CSPG5: variants seen among roughly 807,000 people sequenced by gnomAD.
The protein encoded by CSPG5 is chondroitin sulfate proteoglycan 5.
Under a neutral mutation model 39.8 loss-of-function variants are expected in CSPG5, and 25 were observed. That is an observed-to-expected ratio of 0.63 (90% CI 0.46 to 0.88). The LOEUF is 0.88. Among genes scored for constraint, CSPG5 ranks in the 40% least tolerant of loss-of-function variants. The probability of loss-of-function intolerance (pLI) is 0.00; values close to 1 mark genes in which losing one functional copy is unlikely to be tolerated. For missense variants in CSPG5, 627 were observed against 702.2 expected (o/e 0.89, Z 1.21); for synonymous variants, 295 against 303.9 (o/e 0.97, Z 0.31).
rs1331811892 is a variant in CSPG5, at chr3:47,577,425, G to A, written c.601C>T (p.Pro201Ser). 3.1e-6 allele frequency: 5 copies of A among 1,614,038 alleles called. No homozygotes were observed. Among genetic ancestry groups the A allele is most frequent in the Admixed American group, 1.7e-5 (1 of 60,014 alleles). The stretch of plus-strand genomic sequence containing the variant: ...TCAATGATATCTGATGCCGGTTGGG[G>A]CTCCAGGGTGCCCTGAAATGGGTAA... ...LTYPFQGTLE[P>S]QPASDIIDID... Residue 201 changes from proline (P) to serine (S), a missense_variant, in exon 2 of 5, where the codon CCC becomes TCC. Coordinates refer to ENST00000264723, the MANE Select transcript of CSPG5 (RefSeq NM_006574.4). This position sits in a 1 kb window ranked among gnomAD's most constrained non-coding sequence, Gnocchi z 4.7.
At chr3:47,569,430 C>A (rs1025450298) in intron 3 of CSPG5, among the ~76,000 whole-genome samples, 4 of 151,892 alleles carry the variant, frequency 2.6e-5, no homozygotes. Flanking sequence ...ATGGTGAAAC[C>A]CCGTCTCTAC....
chr3:47,577,014 C>T lies in CSPG5; in HGVS notation c.1012G>A (p.Ala338Thr), dbSNP rs751089835. 17 of 1,612,712 alleles carry T rather than the reference C, an allele frequency of 1.1e-5. No homozygotes were observed. In the Admixed American group the frequency reaches 1.2e-4, roughly 11 times the overall value. ...GGCTCTCCTGGGCGGGGCCTGAGGG[C>T]GATGCTGCTGCCGGGGACCGACCCC... is the stretch of plus-strand genomic sequence containing the variant. ...TLGSVPGSSI[A>T]LRPRPGEPGR... Residue 338 changes from alanine (A) to threonine (T), a missense_variant, in exon 2 of 5, where the codon GCC becomes ACC. Ala to Thr is a moderately conservative substitution (Grantham distance 58). Transcript: ENST00000264723. This position sits in a 1 kb window ranked among gnomAD's most constrained non-coding sequence, Gnocchi z 4.7.
In CSPG5 at chr3:47,562,551, T is replaced by TCCCCGGCCCCCC; in HGVS notation, c.*48_*49insGGGGGGCCGGGG. 1 of 1,518,952 alleles carries TCCCCGGCCCCCC rather than the reference T, an allele frequency of 6.6e-7. No individual in the cohort carries two copies. The highest frequency in any genetic ancestry group is 9.1e-7 in the Non-Finnish European group (1 of 1,103,898). 94.1% of individuals were successfully genotyped at this position (1,518,952 alleles called of 1,614,324 possible). A position where few individuals can be genotyped will look rare whatever the true frequency, so the allele number is the denominator to read the frequency against. On this transcript the variant is annotated 3_prime_UTR_variant, in exon 5 of 5. Coordinates refer to ENST00000264723, the MANE Select transcript of CSPG5 (RefSeq NM_006574.4). ...CTGTACAAGAGGAGATAATGTTTCT[T>TCCCCGGCCCCCC]CCCCTACCCCCCACCCACTACCCCC...
chr3:47,572,087 C>T lies in CSPG5; in HGVS notation c.1382+599G>A, dbSNP rs2031549058. On this transcript the variant is annotated intron_variant, in intron 3 of 4. Transcript: ENST00000264723. The surrounding 1 kb of genome is among the most constrained non-coding windows in gnomAD (Gnocchi z 4.5). Reference sequence around the variant, plus strand: ...AGGAAGTTAACCCTAGTTCTCCCCACATATTCTACTCAGGAGAGGTAAAGA... The same window carrying T: ...AGGAAGTTAACCCTAGTTCTCCCCATATATTCTACTCAGGAGAGGTAAAGA... Among the ~76,000 whole-genome samples, 1 of 152,210 alleles carries T rather than the reference C, an allele frequency of 6.6e-6. No homozygotes were observed. The highest frequency in any genetic ancestry group is 2.4e-5 in the African/African-American group (1 of 41,466).
intron 4 of CSPG5, among the ~76,000 whole-genome samples, chr3:47,567,053 G>C: frequency 6.6e-6 from 1 of 152,292 alleles, no homozygotes; most frequent in East Asian, 1.9e-4. Flanking sequence ...CCTTCGCACC[G>C]GCTGTGTAGC....
rs1366138859 is a variant in CSPG5 at position 47,569,216 on chromosome 3, G to T, written c.1394C>A (p.Thr465Asn). 1 of 1,613,740 alleles carries T rather than the reference G, an allele frequency of 6.2e-7. No individual in the cohort carries two copies. Among genetic ancestry groups the T allele is most frequent in the Non-Finnish European group, 8.5e-7 (1 of 1,179,800 alleles). ...TKLRRTNKFR[T>N]PSELHNDNFS... ...GTTATCATTGTGGAGCTCAGATGGG[G>T]TCCGGAATTTGCTGGTTAGGAGAGA... Residue 465 changes from threonine (T) to asparagine (N), a missense_variant, in exon 4 of 5, where the codon ACC (threonine) becomes AAC (asparagine). By Grantham distance (65) the Thr-to-Asn change is moderately conservative. Transcript: ENST00000264723.
chr3:47,570,151 T>C (rs778355300), intron 3 of CSPG5, among the ~76,000 whole-genome samples: 17 of 152,242 alleles, frequency 1.1e-4, no homozygotes, highest in Non-Finnish European at 2.1e-4. Context: ...TATATAGGTA[T>C]ATGTGTGTCA....
chr3:47,563,760 G>A (rs900152200), intron 4 of CSPG5, among the ~76,000 whole-genome samples: 1 of 152,084 alleles, frequency 6.6e-6, no homozygotes, highest in African/African-American at 2.4e-5. Context: ...CACCATGTTG[G>A]CCAGGCTGGT....
chr3:47,562,566 C>T lies in CSPG5; in HGVS notation c.*34G>A. The stretch of plus-strand genomic sequence containing the variant: ...TAATGTTTCTTCCCCTACCCCCCAC[C>T]CACTACCCCCGCTTCCTCTCTTCTT... On this transcript the variant is annotated 3_prime_UTR_variant, in exon 5 of 5. Coordinates refer to ENST00000264723, the MANE Select transcript of CSPG5 (RefSeq NM_006574.4). 1.3e-6 allele frequency: 2 copies of T among 1,575,698 alleles called. No individual in the cohort carries two copies. The highest frequency in any genetic ancestry group is 1.7e-6 in the Non-Finnish European group (2 of 1,149,994).
rs1219833019 is a variant in CSPG5 at position 47,577,509 on chromosome 3, A to T, written c.517T>A (p.Leu173Met). 3.5e-5 allele frequency: 57 copies of T among 1,610,840 alleles called. No homozygotes were observed. The highest frequency in any genetic ancestry group is 4.7e-5 in the Non-Finnish European group (56 of 1,179,148). ...PASELPKESP[L>M]EVWLNLGGST... ...CCCCCCAGGTTCAGCCAAACCTCCA[A>T]GGGGCTCTCCTTGGGGAGTTCAGAA... Residue 173 changes from leucine (L) to methionine (M), a missense_variant, in exon 2 of 5, where the codon TTG becomes ATG. Leu to Met is a conservative substitution (Grantham distance 15, BLOSUM62 2). Transcript: ENST00000264723. This position sits in a 1 kb window ranked among gnomAD's most constrained non-coding sequence, Gnocchi z 4.7.
chr3:47,564,139 G>C (rs1370787650), intron 4 of CSPG5, among the ~76,000 whole-genome samples: 2 of 152,194 alleles, frequency 1.3e-5, no homozygotes, highest in Non-Finnish European at 2.9e-5. Context: ...AATCTGACCA[G>C]CTAGCTAAGG....
chr3:47,573,259 G>A (rs1027296186), intron 2 of CSPG5, among the ~76,000 whole-genome samples: 2 of 152,182 alleles, frequency 1.3e-5, no homozygotes, highest in Non-Finnish European at 2.9e-5. Flanking sequence ...GGCTCTGGGT[G>A]AAAGAAAGAT....
intron 3 of CSPG5, among the ~76,000 whole-genome samples, chr3:47,570,680 G>A (rs1205168964): frequency 1.3e-5 from 2 of 151,902 alleles, no homozygotes; most frequent in Non-Finnish European, 2.9e-5. Flanking sequence ...GCTATTTTTT[G>A]TATTTTTAGT....
At chr3:47,566,278 A>G (rs2031295580) in intron 4 of CSPG5, among the ~76,000 whole-genome samples, 1 of 145,918 alleles carries the variant, frequency 6.9e-6, no homozygotes, top group South Asian at 2.3e-4. Flanking sequence ...GGGTGGGGAG[A>G]GAGGGGTGGG....
rs766227760 is a variant in CSPG5, at chr3:47,562,698, ACTC to A, written c.1519_1521del (p.Glu507del). ...GACATGGAGTTCTGGATGTTAAATGACTCCTCCTCTTTCAGGCAGGACTTGAGA... is the reference window on the plus strand; with the variant it reads ...GACATGGAGTTCTGGATGTTAAATGACTCCTCTTTCAGGCAGGACTTGAGA... On this transcript the variant is annotated inframe_deletion, in exon 5 of 5. Transcript: ENST00000264723. The A allele has an allele frequency of 9.3e-6, 15 of 1,612,600 alleles. No individual in the cohort carries two copies. The highest frequency in any genetic ancestry group is 3.3e-5 in the South Asian group (3 of 91,018).
At chr3:47,565,778 C>T (rs2031273001) in intron 4 of CSPG5, among the ~76,000 whole-genome samples, 1 of 152,160 alleles carries the variant, frequency 6.6e-6, no homozygotes, top group East Asian at 1.9e-4. Context: ...ACCCAAGTTA[C>T]CCCCATGGTC....
Position 47,578,497 on chromosome 3 carries a change from T to A in CSPG5, c.97+100A>T. On this transcript the variant is annotated intron_variant, in intron 1 of 4. Coordinates refer to ENST00000264723, the MANE Select transcript of CSPG5 (RefSeq NM_006574.4). This position sits in a 1 kb window ranked among gnomAD's most constrained non-coding sequence, Gnocchi z 6.0. Reference sequence around the variant, plus strand: ...CGCGGCCAGGCGGTGCCCCGCCCCCTTGCCACAGCTCACAGCTCCACCTGT... The same window carrying A: ...CGCGGCCAGGCGGTGCCCCGCCCCCATGCCACAGCTCACAGCTCCACCTGT... The A allele has an allele frequency of 1.0e-5, 3 of 286,144 alleles. No homozygotes were observed. 17.7% of individuals were successfully genotyped at this position (286,144 alleles called of 1,614,324 possible).
chr3:47,572,762 G>C lies in CSPG5; in HGVS notation c.1306C>G (p.Leu436Val). The C allele has an allele frequency of 1.2e-6, 2 of 1,614,212 alleles. No homozygotes were observed. Among genetic ancestry groups the C allele is most frequent in the Non-Finnish European group, 1.7e-6 (2 of 1,180,030 alleles). The change falls in exon 3 of 5, where the codon CTC becomes GTC. Residue 436 changes from leucine to valine, a missense_variant. Leu to Val is a conservative substitution (Grantham distance 32, BLOSUM62 1). Transcript: ENST00000264723. This position sits in a 1 kb window ranked among gnomAD's most constrained non-coding sequence, Gnocchi z 4.5. ...GCAAAGAACACCGTCATCATGAAGA[G>C]CAGGAGCAGGACGAGGGCAGCCGAG... ...VGSAALVLLL[L>V]FMMTVFFAKK...
At chr3:47,562,897 G>A in intron 4 of CSPG5, 136 bp from the exon 5 acceptor site, 1 of 938,862 alleles carries the variant, frequency 1.1e-6, no homozygotes, top group Non-Finnish European at 1.5e-6. Context: ...GAACTAAAAG[G>A]AACCAAAGTA....
Sources: gnomAD v4.1 joint callset for allele counts (sites outside exome capture counted in the v4.1 genomes callset) on GRCh38, gnomAD v4.1.1 for gene constraint, Gnocchi (gnomAD v3.1) non-coding constraint, MANE v1.5 for transcripts, NCBI Gene and HGNC (gene_info 2026-07-23, HGNC 2026-07-21) for gene names.